The following ACSL6 variants were observed in gnomAD, a reference collection of about 807,000 sequenced individuals.
ACSL6 encodes long-chain-fatty-acid--CoA ligase 6.
In ACSL6, 47 loss-of-function variants were observed where a neutral mutation model predicts 98.2. The observed-to-expected ratio is 0.48, with a 90% CI of 0.38 to 0.61. ACSL6 has a LOEUF of 0.61. Ranked by LOEUF, ACSL6 falls within the 20% of genes least tolerant of loss-of-function variation. The pLI, the probability that ACSL6 is intolerant of heterozygous loss-of-function variation, is 0.00. For synonymous variants in ACSL6, 362 were observed against 336.9 expected (o/e 1.07, Z -0.82); for missense variants, 761 against 913.4 (o/e 0.83, Z 2.15).
intron 9 of ACSL6, chr5:131,983,499 T>C (rs1222164736): frequency 6.6e-6 from 1 of 152,262 alleles, no homozygotes; most frequent in Non-Finnish European, 1.5e-5. Context: ...TGGCCCTTGA[T>C]GAGGCTGGGA....
intron 1 of ACSL6, among the ~76,000 whole-genome samples, chr5:132,010,934 G>A (rs1338516449): frequency 2.0e-5 from 3 of 152,138 alleles, no homozygotes; most frequent in Non-Finnish European, 4.4e-5. Context: ...GGAGGGGTCT[G>A]GAAACAGTGG....
upstream of ACSL6, chr5:132,012,201 G>A (rs1013169874): frequency 4.7e-6 from 2 of 426,284 alleles, no homozygotes; most frequent in Non-Finnish European, 8.3e-6. Flanking sequence ...GCAAACCAGT[G>A]AGGGGAGGGA....
intron 11 of ACSL6, 104 bp from the exon 12 acceptor site, chr5:131,973,504 C>G (rs1459068516): frequency 8.0e-7 from 1 of 1,247,688 alleles, no homozygotes; most frequent in East Asian, 2.6e-5. Flanking sequence ...CACCCATGAC[C>G]CCCTGACCCA....
At chr5:131,985,248 C>T (rs1754112180) in intron 9 of ACSL6, 159 bp downstream of exon 9, 2 of 829,896 alleles carry the variant, frequency 2.4e-6, no homozygotes, top group African/African-American at 2.0e-5. Flanking sequence ...TTATGCAGGG[C>T]ACTGGGAGGT....
intron 1 of ACSL6, chr5:132,001,932 A>T (rs557568273): frequency 1.3e-5 from 2 of 152,346 alleles, no homozygotes; most frequent in African/African-American, 4.8e-5. Context: ...AGGAGCAAAC[A>T]GATACACAGT....
intron 1 of ACSL6, among the ~76,000 whole-genome samples, chr5:131,996,259 T>G (rs1349103171): frequency 6.6e-6 from 1 of 152,190 alleles, no homozygotes; most frequent in Non-Finnish European, 1.5e-5. Context: ...TTCTGCATAA[T>G]AAAGCAGAGG....
At position 131,959,520 on chromosome 5, in the gene ACSL6, G is replaced by A; in HGVS notation, c.2031+16C>T. The A allele has an allele frequency of 6.2e-7, 1 of 1,612,604 alleles. No homozygotes were observed. Among genetic ancestry groups the A allele is most frequent in the South Asian group, 1.1e-5 (1 of 91,008 alleles). On this transcript the variant is annotated intron_variant, in intron 20 of 20. Transcript: ENST00000651883. ...GCCTGAAGGGTTGTAACGAGTATGG[G>A]GAAGGTAACAGTTACCTGCTCAAAA...
chr5:131,996,415 G>A (rs1302143955), intron 1 of ACSL6, among the ~76,000 whole-genome samples: 1 of 152,198 alleles, frequency 6.6e-6, no homozygotes, highest in Admixed American at 6.5e-5. Flanking sequence ...TCAGATAAAT[G>A]ACTCACTACT....
intron 15 of ACSL6, among the ~76,000 whole-genome samples, chr5:131,969,750 C>T (rs1753202815): frequency 1.3e-5 from 2 of 152,116 alleles, no homozygotes; most frequent in East Asian, 1.9e-4. Flanking sequence ...CTACGTTCTC[C>T]TGTGATATCA....
Position 131,986,477 on chromosome 5 carries a change from C to A in ACSL6, c.864+345G>T, listed in dbSNP as rs772124091. Among the ~76,000 whole-genome samples the A allele has an allele frequency of 2.0e-4, 31 of 152,296 alleles. 1 individual carries two copies. In the South Asian group the frequency reaches 2.3e-3, roughly 11 times the overall value. On this transcript the variant is annotated intron_variant, in intron 8 of 20. Transcript: ENST00000651883. ...CCACAAGGCCATTTGGCACAAGAGT[C>A]CATTTCTGGTTCTGCTGTTGCTTCT...
chr5:131,991,109 TAC>T (rs1754486950), intron 2 of ACSL6, 142 bp from the exon 3 acceptor site: 1 of 678,742 alleles, frequency 1.5e-6, no homozygotes, highest in African/African-American at 1.8e-5. Flanking sequence ...TGTGCCCGCG[TAC>T]ACATGGACTA....
At chr5:132,012,020 G>A (rs1163314825), upstream of ACSL6, 2 of 1,420,630 alleles carry the variant, frequency 1.4e-6, no homozygotes, top group East Asian at 2.8e-5. Flanking sequence ...ACGCGACCCT[G>A]CCCCCGCGCG....
At chr5:132,008,898 T>C (rs1470649700) in intron 1 of ACSL6, among the ~76,000 whole-genome samples, 1 of 152,244 alleles carries the variant, frequency 6.6e-6, no homozygotes, top group Non-Finnish European at 1.5e-5. Flanking sequence ...GAGTGAGACT[T>C]CTTCCTACTT....
intron 20 of ACSL6, among the ~76,000 whole-genome samples, 200 bp from the exon 21 acceptor site, chr5:131,954,571 G>C (rs1489917698): frequency 6.6e-6 from 1 of 152,058 alleles, no homozygotes; most frequent in Non-Finnish European, 1.5e-5. Flanking sequence ...CATTCATTTA[G>C]CCAGTCAACA....
chr5:132,006,989 G>C (rs1023079467), intron 1 of ACSL6: 2 of 152,200 alleles, frequency 1.3e-5, no homozygotes, highest in African/African-American at 4.8e-5. Context: ...CTTGTGGTAA[G>C]GAAACAGCTT....
At chr5:131,997,437 C>T (rs562718950) in intron 1 of ACSL6, among the ~76,000 whole-genome samples, 115 of 152,332 alleles carry the variant, frequency 7.5e-4, no homozygotes, top group African/African-American at 2.5e-3. Flanking sequence ...CTCCCACAAT[C>T]CATCCTTTCC....
rs1752170587 is a variant in ACSL6 at position 131,951,739 on chromosome 5, C to G, written c.*2495G>C. 6.1e-6 allele frequency: 1 copy of G among 163,796 alleles called. No individual in the cohort carries two copies. Among genetic ancestry groups the G allele is most frequent in the Non-Finnish European group, 1.3e-5 (1 of 74,900 alleles). The allele number at this position is 163,796 out of a possible 1,614,324, so 10.1% of individuals were successfully genotyped here. On this transcript the variant is annotated 3_prime_UTR_variant, in exon 21 of 21. Transcript: ENST00000651883. Reference sequence around the variant, plus strand: ...TAGCTGGGACTACAGGCGCCCGCCACAACGCCCGGCTAATTTTTTGTATTT... The same window carrying G: ...TAGCTGGGACTACAGGCGCCCGCCAGAACGCCCGGCTAATTTTTTGTATTT...
chr5:132,004,285 C>A (rs1369586679), intron 1 of ACSL6, among the ~76,000 whole-genome samples: 1 of 151,830 alleles, frequency 6.6e-6, no homozygotes, highest in East Asian at 1.9e-4. Context: ...CCATGGTCAC[C>A]AGGAGCTGCC....
chr5:131,990,967 C>A lies in ACSL6; in HGVS notation c.271G>T (p.Asp91Tyr), dbSNP rs766790391. Residue 91 changes from aspartate (D) to tyrosine (Y), a missense_variant and splice_region_variant, in exon 3 of 21, where the codon GAC becomes TAC. Transcript: ENST00000651883. ...ACAGATCGCCGTGCCCCGCCACTGTCCTACAAGCCAAGCACCGGCCAGAGA... is the reference window on the plus strand; with the variant it reads ...ACAGATCGCCGTGCCCCGCCACTGTACTACAAGCCAAGCACCGGCCAGAGA... Reference protein sequence around the residue: ...NLLMQSEEVEDSGGARRSVIG... With the variant: ...NLLMQSEEVEYSGGARRSVIG... 6.2e-7 allele frequency: 1 copy of A among 1,613,944 alleles called. No individual in the cohort carries two copies. The highest frequency in any genetic ancestry group is 1.1e-5 in the South Asian group (1 of 91,074).
Sources: allele counts gnomAD v4.1 joint callset (sites outside exome capture counted in the v4.1 genomes callset), GRCh38; gene constraint gnomAD v4.1.1; transcripts MANE v1.5; gene names NCBI Gene and HGNC (gene_info 2026-07-23, HGNC 2026-07-21).